ZNF26: variants seen among roughly 807,000 people sequenced by gnomAD.
ZNF26 encodes the protein zinc finger protein 26, also known as epididymis luminal protein 179.
A neutral mutation model predicts 54.9 loss-of-function variants in ZNF26; 32 were observed. The observed-to-expected ratio is 0.58, with a 90% CI of 0.44 to 0.78. ZNF26 has a LOEUF of 0.78. ZNF26 is among the 30% of genes least tolerant of loss of function. ZNF26 has a pLI of 0.00. For missense variants in ZNF26, 524 were observed against 634.0 expected (o/e 0.83, Z 1.86); for synonymous variants, 221 against 209.2 (o/e 1.06, Z -0.49).
chr12:133,015,352 TCAA>T lies in ZNF26; in HGVS notation c.*3872_*3874del, dbSNP rs1953552590. On this transcript the variant is annotated 3_prime_UTR_variant, in exon 4 of 4. Transcript: ENST00000328654. ...CTGGGTGACAGAGTGAGACTCTGTC[TCAA>T]AAAAAAAAAAAAAAAGAAAAGAAAA... The T allele has an allele frequency of 3.2e-5, 1 of 31,476 alleles. No homozygotes were observed. The allele number at this position is 31,476 out of a possible 1,614,324, so 1.9% of individuals were successfully genotyped here. A position where few individuals can be genotyped will look rare whatever the true frequency, so the allele number is the denominator to read the frequency against.
In ZNF26 at chr12:133,026,519, C is replaced by CTTTTTTTTTTTT. The variant is rs77349696; in HGVS notation, c.*15052_*15063dup. On this transcript the variant is annotated 3_prime_UTR_variant, in exon 4 of 4. Coordinates refer to ENST00000328654, the MANE Select transcript of ZNF26 (RefSeq NM_019591.4). The stretch of plus-strand genomic sequence containing the variant: ...AAAAGGACAACTTCATATAGTTCAA[C>CTTTTTTTTTTTT]TTTTTTTTTTTTTTTTTTTTTTTTT... The CTTTTTTTTTTTT allele has an allele frequency of 8.2e-6, 1 of 122,466 alleles. No homozygotes were observed. Among genetic ancestry groups the CTTTTTTTTTTTT allele is most frequent in the African/African-American group, 3.6e-5 (1 of 27,450 alleles). 7.6% of individuals were successfully genotyped at this position (122,466 alleles called of 1,614,324 possible).
chr12:132,990,160 T>TA (rs1208116736), intron 1 of ZNF26, among the ~76,000 whole-genome samples: 1 of 152,142 alleles, frequency 6.6e-6, no homozygotes, highest in African/African-American at 2.4e-5. Context: ...TGGTGACACA[T>TA]GCCTGTAGTC....
rs1953660374 is a variant in ZNF26, at chr12:133,022,764, T to C, written c.*11283T>C. ...AATAAATTGAACAAGCTTGAACAAA[T>C]TGAATCATCAATATGTTCAAGTCCT... is the stretch of plus-strand genomic sequence containing the variant. On this transcript the variant is annotated 3_prime_UTR_variant, in exon 4 of 4. Coordinates refer to ENST00000328654, the MANE Select transcript of ZNF26 (RefSeq NM_019591.4). 6.6e-6 allele frequency: 1 copy of C among 152,196 alleles called. No homozygotes were observed. Among genetic ancestry groups the C allele is most frequent in the African/African-American group, 2.4e-5 (1 of 41,452 alleles). 9.4% of individuals were successfully genotyped at this position (152,196 alleles called of 1,614,324 possible). A position where few individuals can be genotyped will look rare whatever the true frequency, so the allele number is the denominator to read the frequency against.
intron 1 of ZNF26, chr12:132,987,711 C>T: frequency 1.0e-6 from 1 of 985,364 alleles, no homozygotes; most frequent in Non-Finnish European, 1.2e-6. Context: ...ATAAAGACAC[C>T]TTATTGTATT....
intron 1 of ZNF26, among the ~76,000 whole-genome samples, chr12:132,994,545 T>G (rs1450020972): frequency 6.6e-6 from 1 of 152,218 alleles, no homozygotes; most frequent in Non-Finnish European, 1.5e-5. Flanking sequence ...TTGATAGATA[T>G]TCTTCTAGGT....
Position 133,020,496 on chromosome 12 carries a change from G to C in ZNF26, c.*9015G>C, listed in dbSNP as rs1337325371. 2 of 151,580 alleles carry C rather than the reference G, an allele frequency of 1.3e-5. No individual in the cohort carries two copies. The highest frequency in any genetic ancestry group is 4.8e-5 in the African/African-American group (2 of 41,306). 9.4% of individuals were successfully genotyped at this position (151,580 alleles called of 1,614,324 possible). A position where few individuals can be genotyped will look rare whatever the true frequency, so the allele number is the denominator to read the frequency against. The stretch of plus-strand genomic sequence containing the variant: ...ATATTTATATTTTGCCTCAAAAAAG[G>C]CAAAAAAGAAGATATAATAATTATA... On this transcript the variant is annotated 3_prime_UTR_variant, in exon 4 of 4. Coordinates refer to ENST00000328654, the MANE Select transcript of ZNF26 (RefSeq NM_019591.4).
chr12:132,994,420 G>A (rs1953028656), intron 1 of ZNF26, among the ~76,000 whole-genome samples: 1 of 152,122 alleles, frequency 6.6e-6, no homozygotes, highest in South Asian at 2.1e-4. Flanking sequence ...CTCTTTACAT[G>A]CAGAACTGGA....
chr12:132,991,439 A>G (rs1250443935), intron 1 of ZNF26, among the ~76,000 whole-genome samples: 4 of 151,894 alleles, frequency 2.6e-5, no homozygotes, highest in Non-Finnish European at 5.9e-5. Flanking sequence ...CAGAGGTTGC[A>G]GTAAGCCAAG....
chr12:132,990,732 T>C (rs753262300), intron 1 of ZNF26, among the ~76,000 whole-genome samples: 103 of 152,340 alleles, frequency 6.8e-4, no homozygotes, highest in Non-Finnish European at 1.2e-3. Flanking sequence ...TTTAGGCTTA[T>C]TAGAGTGTCT....
At chr12:132,994,864 G>A (rs906542221) in intron 1 of ZNF26, among the ~76,000 whole-genome samples, 24 of 152,208 alleles carry the variant, frequency 1.6e-4, no homozygotes, top group Admixed American at 7.9e-4. Flanking sequence ...GTGGAGGAAC[G>A]TCCTGTGCAT....
intron 1 of ZNF26, among the ~76,000 whole-genome samples, chr12:132,997,049 G>A (rs12099582): frequency 0.016 from 2,494 of 152,300 alleles, 76 homozygotes; most frequent in African/African-American, 0.056. Flanking sequence ...CCGTAGGGAG[G>A]GGTGGTTCAG....
Position 133,007,510 on chromosome 12 carries a change from A to C in ZNF26, c.234A>C (p.Lys78Asn). ...AAGATCCATGGATAATAAATGCCAA[A>C]ATTTCCAGGCAGAGCTGTCCAGGTG... ...QGEDPWIINA[K>N]ISRQSCPDGW... The change falls in exon 3 of 4, where the codon AAA (lysine) becomes AAC (asparagine). Residue 78 changes from lysine to asparagine, a missense_variant. By Grantham distance (94) the Lys-to-Asn change is moderately conservative. Transcript: ENST00000328654. 1.2e-6 allele frequency: 2 copies of C among 1,613,834 alleles called. No individual in the cohort carries two copies. Among genetic ancestry groups the C allele is most frequent in the Non-Finnish European group, 1.7e-6 (2 of 1,179,836 alleles).
At chr12:132,998,441 A>G (rs965098071) in intron 1 of ZNF26, among the ~76,000 whole-genome samples, 1 of 152,182 alleles carries the variant, frequency 6.6e-6, no homozygotes, top group Non-Finnish European at 1.5e-5. Flanking sequence ...CTGGGATTAC[A>G]GGCATAAGCC....
At position 133,001,786 on chromosome 12, in the gene ZNF26, C is replaced by A; in HGVS notation, c.34-5256C>A. 1 of 1,068,750 alleles carries A rather than the reference C, an allele frequency of 9.4e-7. No individual in the cohort carries two copies. The highest frequency in any genetic ancestry group is 1.3e-6 in the Non-Finnish European group (1 of 789,440). 66.2% of individuals were successfully genotyped at this position (1,068,750 alleles called of 1,614,324 possible). A position where few individuals can be genotyped will look rare whatever the true frequency, so the allele number is the denominator to read the frequency against. ...GAGGTGAGCTGCTGAACCCTCACTC[C>A]CCAGCTGCCTTTTGAGAGTCCCGCG... On this transcript the variant is annotated intron_variant, in intron 1 of 3. Coordinates refer to ENST00000328654, the MANE Select transcript of ZNF26 (RefSeq NM_019591.4). The surrounding 1 kb of genome is among the most constrained non-coding windows in gnomAD (Gnocchi z 4.7).
Position 133,015,927 on chromosome 12 carries a change from T to A in ZNF26, c.*4446T>A, listed in dbSNP as rs954278376. On this transcript the variant is annotated 3_prime_UTR_variant, in exon 4 of 4. Coordinates refer to ENST00000328654, the MANE Select transcript of ZNF26 (RefSeq NM_019591.4). ...TTGATGGAATGTTTGTGTGACTCTT[T>A]AATAGAAGTCTGAACTAGGTATGCC... 3.3e-5 allele frequency: 5 copies of A among 152,230 alleles called. No individual in the cohort carries two copies. Among genetic ancestry groups the A allele is most frequent in the African/African-American group, 4.8e-5 (2 of 41,466 alleles). The allele number at this position is 152,230 out of a possible 1,614,324, so 9.4% of individuals were successfully genotyped here.
chr12:132,988,010 T>C (rs1262709305), intron 1 of ZNF26, among the ~76,000 whole-genome samples: 1 of 152,224 alleles, frequency 6.6e-6, no homozygotes, highest in Non-Finnish European at 1.5e-5. Context: ...TTGTAATAAG[T>C]CTTTTTTTAT....
At chr12:133,006,054 T>C in intron 1 of ZNF26, 1 of 984,492 alleles carries the variant, frequency 1.0e-6, no homozygotes, top group Non-Finnish European at 1.2e-6. Context: ...TCTTTCATAA[T>C]AGATTTGCCA....
chr12:133,000,189 TGATCATGCTAGGTCAA>T, intron 1 of ZNF26, among the ~76,000 whole-genome samples: 2 of 152,122 alleles, frequency 1.3e-5, no homozygotes, highest in Admixed American at 1.3e-4. Flanking sequence ...AATTTTCTTT[TGATCATGCTAGGTCAA>T]TTCAAAATTT....
At position 133,007,050 on chromosome 12, in the gene ZNF26, G is replaced by A; in HGVS notation, c.42G>A (p.Leu14=). ...GGTGTGTGTTATTTCAGGGATTATT[G>A]TCATTCAAGGATATATCTATGGAGT... ...SFRTASCWGL[L]SFKDISMEFT... Residue 14 remains leucine, a synonymous_variant, in exon 2 of 4, where the codon TTG becomes TTA. Transcript: ENST00000328654. 6.2e-7 allele frequency: 1 copy of A among 1,614,104 alleles called. No homozygotes were observed. Among genetic ancestry groups the A allele is most frequent in the African/African-American group, 1.3e-5 (1 of 75,022 alleles).
Sources: allele counts gnomAD v4.1 joint callset (sites outside exome capture counted in the v4.1 genomes callset), GRCh38; gene constraint gnomAD v4.1.1; non-coding constraint Gnocchi (gnomAD v3.1); transcripts MANE v1.5; gene names NCBI Gene and HGNC (gene_info 2026-07-23, HGNC 2026-07-21).